The following TMTC2 variants were observed in gnomAD, a reference collection of about 807,000 sequenced individuals.
TMTC2 encodes transmembrane O-mannosyltransferase targeting cadherins 2, also known as protein O-mannosyl-transferase TMTC2.
TMTC2 carries 43 observed loss-of-function variants against 82.4 expected under a neutral mutation model. The ratio of observed to expected loss-of-function variants is 0.52; its 90% CI spans 0.41 to 0.67. The LOEUF is 0.67. Among genes scored for constraint, TMTC2 ranks in the 30% least tolerant of loss-of-function variants. The probability of loss-of-function intolerance (pLI) is 0.00; values close to 1 mark genes in which losing one functional copy is unlikely to be tolerated. For missense variants in TMTC2, 919 were observed against 1,012.4 expected (o/e 0.91, Z 1.25); for synonymous variants, 408 against 381.9 (o/e 1.07, Z -0.80).
At chr12:82,962,386 A>T in intron 4 of TMTC2, among the ~76,000 whole-genome samples, 1 of 152,050 alleles carries the variant, frequency 6.6e-6, no homozygotes, top group East Asian at 1.9e-4. Context: ...CAGAAAAGAT[A>T]AAAAGGGCTC....
intron 11 of TMTC2, among the ~76,000 whole-genome samples, chr12:83,094,901 G>A (rs959919342): frequency 1.3e-5 from 2 of 152,176 alleles, no homozygotes; most frequent in African/African-American, 4.8e-5. Context: ...TCATGCAACT[G>A]AAGATTAGAG....
chr12:83,090,456 G>A (rs1883804159), intron 11 of TMTC2, among the ~76,000 whole-genome samples: 1 of 152,118 alleles, frequency 6.6e-6, no homozygotes, highest in Non-Finnish European at 1.5e-5. Context: ...CATATCACAA[G>A]TCTTTGCATA....
At position 83,105,769 on chromosome 12, in the gene TMTC2, G is replaced by A. The variant is rs1488382128; in HGVS notation, c.2332-26441G>A. Among the ~76,000 whole-genome samples, 4 of 152,064 alleles carry A rather than the reference G, an allele frequency of 2.6e-5. No individual in the cohort carries two copies. The East Asian group carries it at 7.7e-4, about 29-fold the overall frequency. On this transcript the variant is annotated intron_variant, in intron 11 of 11. Coordinates refer to ENST00000321196, the MANE Select transcript of TMTC2 (RefSeq NM_152588.3). ...GGTAGTACTCTGGCTTTTTGCAAAG[G>A]CAGATGCAAATCCTACTAGGAGAAA...
chr12:82,925,046 T>C (rs1291053635), intron 3 of TMTC2, among the ~76,000 whole-genome samples: 1 of 152,154 alleles, frequency 6.6e-6, no homozygotes, highest in Non-Finnish European at 1.5e-5. Context: ...TTGCCTTAGA[T>C]CCTTTGCTGT....
At chr12:83,131,340 G>A (rs1256883266) in intron 11 of TMTC2, among the ~76,000 whole-genome samples, 1 of 152,196 alleles carries the variant, frequency 6.6e-6, no homozygotes, top group Non-Finnish European at 1.5e-5. Flanking sequence ...ACTAATGTCT[G>A]AGAATTTGGG....
At chr12:82,719,076 TATA>T (rs1283328919) in intron 1 of TMTC2, among the ~76,000 whole-genome samples, 5 of 72,624 alleles carry the variant, frequency 6.9e-5, no homozygotes, top group Admixed American at 1.7e-4. Flanking sequence ...TATATATATA[TATA>T]TATATATTTT....
chr12:82,923,024 C>G (rs1462797749), intron 3 of TMTC2, among the ~76,000 whole-genome samples: 1 of 152,076 alleles, frequency 6.6e-6, no homozygotes, highest in Non-Finnish European at 1.5e-5. Flanking sequence ...AGACAGAGGT[C>G]CATTTTGACT....
At chr12:82,867,590 A>G (rs1871934100) in intron 2 of TMTC2, among the ~76,000 whole-genome samples, 1 of 152,190 alleles carries the variant, frequency 6.6e-6, no homozygotes, top group Non-Finnish European at 1.5e-5. Context: ...GACCTTGATT[A>G]TATGCAATAT....
intron 2 of TMTC2, among the ~76,000 whole-genome samples, chr12:82,893,693 A>C (rs1439723009): frequency 6.6e-6 from 1 of 151,990 alleles, no homozygotes; most frequent in African/African-American, 2.4e-5. Flanking sequence ...ACCCCCTTTT[A>C]GATTAAAAAA....
intron 10 of TMTC2, among the ~76,000 whole-genome samples, chr12:83,060,349 A>G (rs1882695419): frequency 6.6e-6 from 1 of 151,768 alleles, no homozygotes; most frequent in Non-Finnish European, 1.5e-5. Context: ...GTATGTTTTT[A>G]TAGTTTGTAT....
chr12:83,002,044 C>A (rs1879951620), intron 8 of TMTC2, among the ~76,000 whole-genome samples: 1 of 152,116 alleles, frequency 6.6e-6, no homozygotes, highest in African/African-American at 2.4e-5. Context: ...GGGATAGATT[C>A]AGTAGGATTG....
At chr12:83,015,072 A>G (rs1880615037) in intron 8 of TMTC2, among the ~76,000 whole-genome samples, 1 of 152,196 alleles carries the variant, frequency 6.6e-6, no homozygotes, top group Admixed American at 6.5e-5. Flanking sequence ...TCTTTCCTCT[A>G]TGTGACTGCT....
intron 7 of TMTC2, among the ~76,000 whole-genome samples, chr12:82,984,489 A>G (rs1312557707): frequency 2.0e-5 from 3 of 152,182 alleles, no homozygotes; most frequent in Non-Finnish European, 4.4e-5. Context: ...ACAAAAAGGA[A>G]TGAGTTCTTC....
chr12:83,006,543 C>T (rs893778773), intron 8 of TMTC2, among the ~76,000 whole-genome samples: 13 of 152,232 alleles, frequency 8.5e-5, no homozygotes, highest in African/African-American at 2.9e-4. Context: ...GACATTGTGG[C>T]GATTCCTCAA....
intron 11 of TMTC2, among the ~76,000 whole-genome samples, chr12:83,109,133 G>C (rs1884513404): frequency 6.6e-6 from 1 of 152,116 alleles, no homozygotes; most frequent in African/African-American, 2.4e-5. Context: ...ACCTGAGATT[G>C]GGTAATTTAT....
At chr12:82,751,120 A>G (rs529580114) in intron 1 of TMTC2, among the ~76,000 whole-genome samples, 1 of 152,318 alleles carries the variant, frequency 6.6e-6, no homozygotes, top group Admixed American at 6.5e-5. Context: ...CACAATAGCA[A>G]AGACTTGGAA....
intron 1 of TMTC2, among the ~76,000 whole-genome samples, chr12:82,787,897 A>T (rs1164480623): frequency 6.6e-6 from 1 of 152,030 alleles, no homozygotes; most frequent in Non-Finnish European, 1.5e-5. Flanking sequence ...TGGGTGACAG[A>T]GCAAGACTCC....
Position 82,696,755 on chromosome 12 carries a change from G to A in TMTC2, c.83+9086G>A, listed in dbSNP as rs553097087. Among the ~76,000 whole-genome samples, 67 of 152,066 alleles carry A rather than the reference G, an allele frequency of 4.4e-4. 1 individual carries two copies. Among genetic ancestry groups the A allele is most frequent in the Non-Finnish European group, 8.7e-4 (59 of 68,010 alleles). On this transcript the variant is annotated intron_variant, in intron 1 of 11. Coordinates refer to ENST00000321196, the MANE Select transcript of TMTC2 (RefSeq NM_152588.3). The stretch of plus-strand genomic sequence containing the variant: ...CCACTTTTCAATACACTCCTGGCAT[G>A]ATGTTGAGGATGCCTGTGGCTGGCA...
intron 1 of TMTC2, among the ~76,000 whole-genome samples, chr12:82,796,348 T>C (rs1301777996): frequency 6.6e-6 from 1 of 152,178 alleles, no homozygotes; most frequent in Non-Finnish European, 1.5e-5. Flanking sequence ...AATAGACTGA[T>C]ACCCCAGCTG....
Sources: gnomAD v4.1 joint callset for allele counts (sites outside exome capture counted in the v4.1 genomes callset) on GRCh38, gnomAD v4.1.1 for gene constraint, MANE v1.5 for transcripts, NCBI Gene and HGNC (gene_info 2026-07-23, HGNC 2026-07-21) for gene names.